CCDC91: variants seen among roughly 807,000 people sequenced by gnomAD.
CCDC91 encodes coiled-coil domain containing 91.
In CCDC91, 48 loss-of-function variants were observed where a neutral mutation model predicts 63.2. The ratio of observed to expected loss-of-function variants is 0.76; its 90% confidence interval spans 0.60 to 0.97. The LOEUF is 0.97. Ranked by LOEUF, CCDC91 falls within the 50% of genes least tolerant of loss-of-function variation. The probability of loss-of-function intolerance (pLI) is 0.00; values close to 1 mark genes in which losing one functional copy is unlikely to be tolerated. For synonymous variants in CCDC91, 167 were observed against 165.8 expected (o/e 1.01, Z -0.06); for missense variants, 500 against 494.6 (o/e 1.01, Z -0.10).
chr12:28,278,366 A>G (rs1396455043), intron 3 of CCDC91, among the ~76,000 whole-genome samples: 1 of 151,836 alleles, frequency 6.6e-6, no homozygotes, highest in African/African-American at 2.4e-5. Context: ...TTTCACTTCG[A>G]TGAAATCTTT....
At chr12:28,226,181 A>C (rs746558069) in intron 1 of CCDC91, 7 of 152,200 alleles carry the variant, frequency 4.6e-5, no homozygotes, top group Non-Finnish European at 8.8e-5. Flanking sequence ...TTTACTTGTG[A>C]ATGAAGATTC....
chr12:28,445,456 C>G (rs1949448788), intron 8 of CCDC91, among the ~76,000 whole-genome samples: 1 of 152,112 alleles, frequency 6.6e-6, no homozygotes, highest in African/African-American at 2.4e-5. Flanking sequence ...CAGAGAAGAG[C>G]AAGTTGTAAT....
intron 1 of CCDC91, among the ~76,000 whole-genome samples, chr12:28,221,036 CT>C (rs1943905158): frequency 6.6e-6 from 1 of 151,988 alleles, no homozygotes; most frequent in African/African-American, 2.4e-5. Context: ...TGTATCTTCC[CT>C]TTTTGGGGGC....
At chr12:28,275,817 A>G (rs1397428246) in intron 3 of CCDC91, among the ~76,000 whole-genome samples, 1 of 152,202 alleles carries the variant, frequency 6.6e-6, no homozygotes, top group East Asian at 1.9e-4. Context: ...CTGTTTCAAC[A>G]TATGCAAATC....
intron 11 of CCDC91, among the ~76,000 whole-genome samples, chr12:28,454,443 A>G (rs148028511): frequency 5.8e-4 from 88 of 152,290 alleles, no homozygotes; most frequent in African/African-American, 2.0e-3. Context: ...TAGGTGAGAC[A>G]GAAGCCAGTC....
At chr12:28,493,417 C>T (rs918245178) in intron 12 of CCDC91, among the ~76,000 whole-genome samples, 13 of 151,626 alleles carry the variant, frequency 8.6e-5, no homozygotes, top group Non-Finnish European at 1.8e-4. Flanking sequence ...TAATTTGTGC[C>T]TTTTCAGTAA....
intron 6 of CCDC91, among the ~76,000 whole-genome samples, chr12:28,323,444 A>G (rs1453785008): frequency 6.6e-6 from 1 of 151,784 alleles, no homozygotes; most frequent in East Asian, 1.9e-4. Flanking sequence ...ATTTCCATAT[A>G]TACTTAGATA....
chr12:28,358,680 GA>G (rs1326029345), intron 6 of CCDC91, among the ~76,000 whole-genome samples: 1 of 152,174 alleles, frequency 6.6e-6, no homozygotes, highest in Non-Finnish European at 1.5e-5. Context: ...AATACATAGT[GA>G]TAGGTGCTAT....
At chr12:28,251,648 C>T (rs947425684) in intron 1 of CCDC91, among the ~76,000 whole-genome samples, 1 of 152,066 alleles carries the variant, frequency 6.6e-6, no homozygotes, top group Non-Finnish European at 1.5e-5. Flanking sequence ...CTCCTTCATA[C>T]TGGTTTCTCT....
intron 8 of CCDC91, among the ~76,000 whole-genome samples, chr12:28,417,640 T>TATATAC (rs57507827): frequency 0.094 from 10,550 of 111,826 alleles, 379 homozygotes; most frequent in Admixed American, 0.11. Context: ...TATATATATA[T>TATATAC]ACACACACAC....
chr12:28,422,332 A>G (rs1325705741), intron 8 of CCDC91, among the ~76,000 whole-genome samples: 1 of 152,090 alleles, frequency 6.6e-6, no homozygotes, highest in Non-Finnish European at 1.5e-5. Flanking sequence ...TATAGGAGGT[A>G]AAAGGGTACT....
At chr12:28,448,793 C>G (rs373357282) in intron 8 of CCDC91, among the ~76,000 whole-genome samples, 1 of 152,022 alleles carries the variant, frequency 6.6e-6, no homozygotes, top group South Asian at 2.1e-4. Flanking sequence ...TTTTTGGTCT[C>G]ATACAGTTTT....
intron 11 of CCDC91, among the ~76,000 whole-genome samples, chr12:28,473,562 C>A (rs1247978755): frequency 6.6e-6 from 1 of 152,044 alleles, no homozygotes; most frequent in Non-Finnish European, 1.5e-5. Context: ...CCAGGTTGTA[C>A]TGAATTAGTG....
At chr12:28,441,993 A>C (rs1313424051) in intron 8 of CCDC91, among the ~76,000 whole-genome samples, 1 of 152,014 alleles carries the variant, frequency 6.6e-6, no homozygotes, top group Non-Finnish European at 1.5e-5. Flanking sequence ...ATTATCAAGT[A>C]GGTAGTGGGT....
intron 6 of CCDC91, among the ~76,000 whole-genome samples, chr12:28,332,297 A>G (rs1941579712): frequency 6.6e-6 from 1 of 152,194 alleles, no homozygotes. Context: ...GTGTTAAGGT[A>G]CATTTAACAT....
intron 3 of CCDC91, among the ~76,000 whole-genome samples, chr12:28,272,286 A>C (rs1297674365): frequency 6.6e-6 from 1 of 152,076 alleles, no homozygotes. Flanking sequence ...TAAGAAGCCC[A>C]AAAAGCTCAA....
At chr12:28,275,136 C>G (rs182642896) in intron 3 of CCDC91, among the ~76,000 whole-genome samples, 14 of 151,820 alleles carry the variant, frequency 9.2e-5, no homozygotes. Context: ...GAATTGAAGG[C>G]GATAGAGACA....
intron 12 of CCDC91, among the ~76,000 whole-genome samples, chr12:28,486,964 T>C (rs972307187): frequency 1.3e-5 from 2 of 152,028 alleles, no homozygotes; most frequent in Non-Finnish European, 2.9e-5. Context: ...AAGGACTCAA[T>C]AAATATGTGT....
At chr12:28,531,695 C>G (rs941070518) in intron 12 of CCDC91, among the ~76,000 whole-genome samples, 5 of 152,052 alleles carry the variant, frequency 3.3e-5, no homozygotes, top group Non-Finnish European at 5.9e-5. Context: ...GGAGCAATTG[C>G]TAAAATAAAG....
Sources: allele counts gnomAD v4.1 joint callset (sites outside exome capture counted in the v4.1 genomes callset), GRCh38; gene constraint gnomAD v4.1.1; transcripts MANE v1.5; gene names NCBI Gene and HGNC (gene_info 2026-07-23, HGNC 2026-07-21).